The following UBE2F variants were observed in gnomAD, a reference collection of about 807,000 sequenced individuals.
The protein encoded by UBE2F is NEDD8-conjugating enzyme UBE2F.
A neutral mutation model predicts 29.6 loss-of-function variants in UBE2F; 5 were observed. The observed-to-expected ratio is 0.17, with a 90% CI of 0.09 to 0.36. The LOEUF (loss-of-function observed/expected upper bound fraction) is 0.36. Among genes scored for constraint, UBE2F ranks in the 10% least tolerant of loss-of-function variants. The pLI is 1.00. For missense variants in UBE2F, 141 were observed against 228.5 expected, an observed-to-expected ratio of 0.62 and a Z score of 2.47; for synonymous variants, 66 against 81.8, an observed-to-expected ratio of 0.81 and a Z score of 1.04.
chr2:238,015,385 C>T (rs1046545973), intron 4 of UBE2F, among the ~76,000 whole-genome samples: 3 of 152,136 alleles, frequency 2.0e-5, no homozygotes, highest in Non-Finnish European at 4.4e-5. Flanking sequence ...ATTGATCATT[C>T]AGTTCTTAAA....
At position 237,981,943 on chromosome 2, in the gene UBE2F, C is replaced by T. The variant is rs576949210; in HGVS notation, c.119-6020C>T. Among the ~76,000 whole-genome samples, 4 of 152,158 alleles carry T rather than the reference C, an allele frequency of 2.6e-5. No homozygotes were observed. In the East Asian group the frequency reaches 7.7e-4, roughly 29 times the overall value. On this transcript the variant is annotated intron_variant, in intron 2 of 9. Transcript: ENST00000272930. ...GAGAGAATTTTAAAAATTCAGAGAC[C>T]TAAGTTCTACCTGAAACTCTTGATA... is the stretch of plus-strand genomic sequence containing the variant.
At chr2:238,033,674 A>T (rs1683593104) in intron 8 of UBE2F, among the ~76,000 whole-genome samples, 1 of 152,316 alleles carries the variant, frequency 6.6e-6, no homozygotes, top group East Asian at 1.9e-4. Flanking sequence ...TCTTTCTGTC[A>T]GATGTTAGCT....
At chr2:237,987,874 A>G in intron 2 of UBE2F, 89 bp from the exon 3 acceptor site, 1 of 609,778 alleles carries the variant, frequency 1.6e-6, no homozygotes, top group Non-Finnish European at 2.7e-6. Flanking sequence ...TTTTTGATTC[A>G]GTGTTCTAGA....
At chr2:237,968,679 A>T (rs1254920218) in intron 1 of UBE2F, 1 of 165,732 alleles carries the variant, frequency 6.0e-6, no homozygotes, top group African/African-American at 2.4e-5. Flanking sequence ...TGCACACCAG[A>T]TGCTCTTCTC....
chr2:237,984,611 T>A (rs1350992087), intron 2 of UBE2F, among the ~76,000 whole-genome samples: 1 of 152,188 alleles, frequency 6.6e-6, no homozygotes, highest in African/African-American at 2.4e-5. Flanking sequence ...AATCTCCCTG[T>A]CCCAAAGACC....
intron 4 of UBE2F, among the ~76,000 whole-genome samples, chr2:238,011,922 A>C (rs2064039597): frequency 6.6e-6 from 1 of 152,184 alleles, no homozygotes; most frequent in Non-Finnish European, 1.5e-5. Context: ...TCTGTTGCCC[A>C]GGCTGGAGTG....
chr2:238,030,681 C>G, intron 7 of UBE2F, 68 bp downstream of exon 7: 1 of 1,202,280 alleles, frequency 8.3e-7, no homozygotes. Context: ...TAGCCAGCCT[C>G]CCGAGAAAGC....
Position 238,041,359 on chromosome 2 carries a change from C to T in UBE2F, c.*21C>T, listed in dbSNP as rs747548611. The T allele has an allele frequency of 3.1e-6, 5 of 1,613,026 alleles. No homozygotes were observed. The highest frequency in any genetic ancestry group is 1.3e-5 in the African/African-American group (1 of 75,024). The stretch of plus-strand genomic sequence containing the variant: ...GATGATAAAAGGGGACGATTGCAGG[C>T]CCATGGACTGTGTTACAGTTTGTCT... On this transcript the variant is annotated 3_prime_UTR_variant, in exon 10 of 10. Coordinates refer to ENST00000272930, the MANE Select transcript of UBE2F (RefSeq NM_080678.3).
chr2:237,989,889 C>T (rs1255760897), intron 3 of UBE2F, among the ~76,000 whole-genome samples: 1 of 151,718 alleles, frequency 6.6e-6, no homozygotes, highest in Non-Finnish European at 1.5e-5. Flanking sequence ...GAGGCTGAAG[C>T]GAGTGGATCA....
intron 2 of UBE2F, among the ~76,000 whole-genome samples, chr2:237,978,545 C>A (rs1467228821): frequency 6.6e-6 from 1 of 152,206 alleles, no homozygotes; most frequent in African/African-American, 2.4e-5. Flanking sequence ...AGTGGCCGGC[C>A]ATGGGGAGGC....
chr2:238,037,518 G>A (rs1313940362), intron 9 of UBE2F, among the ~76,000 whole-genome samples: 3 of 152,256 alleles, frequency 2.0e-5, no homozygotes, highest in Non-Finnish European at 4.4e-5. Flanking sequence ...GGCTGGATTT[G>A]GTGGTAGAAC....
At chr2:238,020,982 G>T (rs1397987735) in intron 5 of UBE2F, among the ~76,000 whole-genome samples, 1 of 152,244 alleles carries the variant, frequency 6.6e-6, no homozygotes, top group Non-Finnish European at 1.5e-5. Flanking sequence ...GGAGGAGCAC[G>T]TGACATGGCC....
intron 5 of UBE2F, among the ~76,000 whole-genome samples, chr2:238,024,542 C>T (rs1220455729): frequency 6.6e-6 from 1 of 152,014 alleles, no homozygotes; most frequent in Non-Finnish European, 1.5e-5. Flanking sequence ...CAGGGTCTTA[C>T]TATATTGCCC....
intron 3 of UBE2F, among the ~76,000 whole-genome samples, chr2:237,989,872 A>T (rs1251327241): frequency 2.0e-5 from 3 of 151,816 alleles, no homozygotes; most frequent in African/African-American, 7.3e-5. Flanking sequence ...TATTCCCAAC[A>T]CTTTGGGAGG....
At chr2:237,975,852 T>A (rs1405073857) in intron 2 of UBE2F, among the ~76,000 whole-genome samples, 1 of 152,164 alleles carries the variant, frequency 6.6e-6, no homozygotes, top group African/African-American at 2.4e-5. Flanking sequence ...TTGGCCAGGC[T>A]GGTCTCAAAC....
In UBE2F at chr2:237,970,332, G is replaced by C. The variant is rs577840040; in HGVS notation, c.-16-2760G>C. Among the ~76,000 whole-genome samples, 395 of 152,266 alleles carry C rather than the reference G, an allele frequency of 2.6e-3. 2 individuals are homozygous for C. The highest frequency in any genetic ancestry group is 4.9e-3 in the Non-Finnish European group (330 of 68,016). On this transcript the variant is annotated intron_variant, in intron 1 of 9. Coordinates refer to ENST00000272930, the MANE Select transcript of UBE2F (RefSeq NM_080678.3). ...TGAGCCTGCACTGAGCTCAAGTCAC[G>C]CCACTGCACTCCAGCCTGGGCTACA... is the stretch of plus-strand genomic sequence containing the variant.
At chr2:237,976,623 A>T (rs746414588) in intron 2 of UBE2F, among the ~76,000 whole-genome samples, 1 of 152,194 alleles carries the variant, frequency 6.6e-6, no homozygotes, top group African/African-American at 2.4e-5. Flanking sequence ...TGGAAGGGCA[A>T]AAAGGGCCTA....
At position 238,041,363 on chromosome 2, in the gene UBE2F, T is replaced by G; in HGVS notation, c.*25T>G. On this transcript the variant is annotated 3_prime_UTR_variant, in exon 10 of 10. Transcript: ENST00000272930. ...ATAAAAGGGGACGATTGCAGGCCCA[T>G]GGACTGTGTTACAGTTTGTCTCTAA... 1.9e-6 allele frequency: 3 copies of G among 1,612,914 alleles called. No individual in the cohort carries two copies. Among genetic ancestry groups the G allele is most frequent in the Non-Finnish European group, 2.5e-6 (3 of 1,179,290 alleles).
chr2:237,979,332 G>A (rs1311221219), intron 2 of UBE2F, among the ~76,000 whole-genome samples: 1 of 152,212 alleles, frequency 6.6e-6, no homozygotes, highest in Non-Finnish European at 1.5e-5. Context: ...CTCTCTCTGT[G>A]AGGGTGCCTG....
Sources: allele counts gnomAD v4.1 joint callset (sites outside exome capture counted in the v4.1 genomes callset), GRCh38; gene constraint gnomAD v4.1.1; transcripts MANE v1.5; gene names NCBI Gene and HGNC (gene_info 2026-07-23, HGNC 2026-07-21).